The following FGF12 variants were observed in gnomAD, a reference collection of about 807,000 sequenced individuals.
The protein encoded by FGF12 is fibroblast growth factor 12.
In FGF12, 14 loss-of-function variants were observed where a neutral mutation model predicts 23.6. That is an observed-to-expected ratio of 0.59 (90% CI 0.39 to 0.93). The LOEUF (loss-of-function observed/expected upper bound fraction) is 0.93, where lower values mean the gene tolerates loss of function less well. Among genes scored for constraint, FGF12 ranks in the 40% least tolerant of loss-of-function variants. FGF12 has a pLI of 0.00. For missense variants in FGF12, 175 were observed against 217.8 expected (o/e 0.80, Z 1.24); for synonymous variants, 62 against 77.3 (o/e 0.80, Z 1.04).
chr3:192,420,926 A>G (rs182293105), intron 2 of FGF12, among the ~76,000 whole-genome samples: 96 of 152,320 alleles, frequency 6.3e-4, no homozygotes, highest in Admixed American at 2.7e-3. Flanking sequence ...ACAATTTGGA[A>G]AAACTCAAAA....
intron 4 of FGF12, among the ~76,000 whole-genome samples, chr3:192,173,735 A>C (rs1715704758): frequency 6.6e-6 from 1 of 152,220 alleles, no homozygotes; most frequent in African/African-American, 2.4e-5. Context: ...TCAATGTATA[A>C]GATTTCAGAC....
chr3:192,455,325 G>A (rs1226081806), intron 2 of FGF12, among the ~76,000 whole-genome samples: 1 of 152,176 alleles, frequency 6.6e-6, no homozygotes, highest in African/African-American at 2.4e-5. Flanking sequence ...CTCAGATGGG[G>A]TGATGACAAG....
chr3:192,425,069 G>A (rs1190173800), intron 2 of FGF12, among the ~76,000 whole-genome samples: 4 of 152,066 alleles, frequency 2.6e-5, no homozygotes, highest in Non-Finnish European at 4.4e-5. Context: ...GAAGAAAAGC[G>A]GTCTCCTGCC....
Position 192,507,094 on chromosome 3 carries a change from G to A in FGF12, c.14-146556C>T, listed in dbSNP as rs200213421. Among the ~76,000 whole-genome samples, 27 of 151,900 alleles carry A rather than the reference G, an allele frequency of 1.8e-4. No homozygotes were observed. In the East Asian group the frequency reaches 3.3e-3, roughly 19 times the overall value. On this transcript the variant is annotated intron_variant, in intron 2 of 5. Coordinates refer to ENST00000445105, the MANE Select transcript of FGF12 (RefSeq NM_004113.6). ...TTTTTAGTAGAGACGGGGTTTCACC[G>A]TGTTAGCCAGCATGGTCTTGATCTC...
At chr3:192,674,505 C>A (rs114229992) in intron 2 of FGF12, among the ~76,000 whole-genome samples, 1 of 152,244 alleles carries the variant, frequency 6.6e-6, no homozygotes, top group Non-Finnish European at 1.5e-5. Flanking sequence ...AGGACGGTTT[C>A]GAACTTCTGA....
chr3:192,212,465 A>G (rs1009987604), intron 4 of FGF12, among the ~76,000 whole-genome samples: 20 of 152,124 alleles, frequency 1.3e-4, no homozygotes, highest in African/African-American at 4.3e-4. Context: ...AGTTTAAATA[A>G]CTTGTTATTT....
intron 2 of FGF12, among the ~76,000 whole-genome samples, chr3:192,439,695 G>A (rs1188809938): frequency 2.0e-5 from 3 of 152,134 alleles, no homozygotes; most frequent in African/African-American, 7.2e-5. Flanking sequence ...AGCATAACAT[G>A]GCCAGGCGTG....
intron 4 of FGF12, among the ~76,000 whole-genome samples, chr3:192,281,361 T>C (rs915106862): frequency 6.6e-6 from 1 of 152,108 alleles, no homozygotes; most frequent in African/African-American, 2.4e-5. Context: ...TCTCCTTCTT[T>C]TATAAGGACA....
chr3:192,398,535 C>A (rs1034633816), intron 2 of FGF12, among the ~76,000 whole-genome samples: 1 of 152,008 alleles, frequency 6.6e-6, no homozygotes, highest in Non-Finnish European at 1.5e-5. Flanking sequence ...AGGCATGCAC[C>A]ACCACGCCCG....
chr3:192,507,140 C>T (rs1724333687), intron 2 of FGF12, among the ~76,000 whole-genome samples: 1 of 152,088 alleles, frequency 6.6e-6, no homozygotes, highest in African/African-American at 2.4e-5. Context: ...GATCTGCCCG[C>T]CTCGGCCTCC....
chr3:192,390,734 C>T (rs1720253275), intron 2 of FGF12, among the ~76,000 whole-genome samples: 1 of 152,148 alleles, frequency 6.6e-6, no homozygotes, highest in Admixed American at 6.5e-5. Context: ...GAGATACAGT[C>T]AACGAGGCGT....
At chr3:192,330,564 A>C (rs1004869225) in intron 4 of FGF12, among the ~76,000 whole-genome samples, 1 of 152,164 alleles carries the variant, frequency 6.6e-6, no homozygotes, top group Non-Finnish European at 1.5e-5. Context: ...ATGTAACATT[A>C]ATTCAAAATG....
chr3:192,384,666 G>A (rs77858724), intron 2 of FGF12, among the ~76,000 whole-genome samples: 3,011 of 152,156 alleles, frequency 0.02, 40 homozygotes, highest in East Asian at 0.058. Flanking sequence ...ACATACACAC[G>A]CACATATACA....
intron 2 of FGF12, among the ~76,000 whole-genome samples, chr3:192,670,312 A>G (rs1408580056): frequency 6.6e-6 from 1 of 152,130 alleles, no homozygotes; most frequent in Non-Finnish European, 1.5e-5. Context: ...AATTTTAGTT[A>G]CTTATTTTTA....
intron 5 of FGF12, among the ~76,000 whole-genome samples, chr3:192,156,768 A>G (rs1053365723): frequency 1.3e-5 from 2 of 152,222 alleles, no homozygotes; most frequent in Admixed American, 6.5e-5. Context: ...TGCATGTATC[A>G]TCATAATAGT....
At chr3:192,415,732 T>TCTCACACACACA (rs369293180) in intron 2 of FGF12, among the ~76,000 whole-genome samples, 6 of 117,948 alleles carry the variant, frequency 5.1e-5, no homozygotes, top group African/African-American at 1.6e-4. Flanking sequence ...TCTCTCTCTC[T>TCTCACACACACA]CACACACACA....
chr3:192,162,864 A>G (rs1329593883), intron 5 of FGF12, among the ~76,000 whole-genome samples: 1 of 152,004 alleles, frequency 6.6e-6, no homozygotes, highest in Non-Finnish European at 1.5e-5. Flanking sequence ...TTCCATTTTC[A>G]TTGCCTTTAA....
chr3:192,661,766 A>G (rs1196328574), intron 2 of FGF12, among the ~76,000 whole-genome samples: 1 of 152,226 alleles, frequency 6.6e-6, no homozygotes, highest in African/African-American at 2.4e-5. Context: ...TAATCAATCT[A>G]GCAAATAAAA....
intron 3 of FGF12, among the ~76,000 whole-genome samples, chr3:192,347,749 T>C (rs1172555710): frequency 6.6e-6 from 1 of 152,186 alleles, no homozygotes; most frequent in Non-Finnish European, 1.5e-5. Flanking sequence ...CTTACCCAAT[T>C]TGTCAAAGCT....
Sources: allele counts gnomAD v4.1 joint callset (sites outside exome capture counted in the v4.1 genomes callset), GRCh38; gene constraint gnomAD v4.1.1; transcripts MANE v1.5; gene names NCBI Gene and HGNC (gene_info 2026-07-23, HGNC 2026-07-21).